The following PCDHGC4 variants were observed in gnomAD, a reference collection of about 807,000 sequenced individuals.
PCDHGC4 encodes the protein protocadherin gamma subfamily C, 4.
A neutral mutation model predicts 59.7 loss-of-function variants in PCDHGC4; 15 were observed. The observed-to-expected ratio is 0.25, with a 90% CI of 0.17 to 0.39. The LOEUF (loss-of-function observed/expected upper bound fraction) is 0.39, where lower values mean the gene tolerates loss of function less well. PCDHGC4 is among the 10% of genes least tolerant of loss of function. The probability of loss-of-function intolerance (pLI) is 1.00; values close to 1 mark genes in which losing one functional copy is unlikely to be tolerated. For missense variants in PCDHGC4, 1,016 were observed against 1,189.5 expected, an observed-to-expected ratio of 0.85 and a Z score of 2.15; for synonymous variants, 434 against 481.4, an observed-to-expected ratio of 0.90 and a Z score of 1.29.
intron 2 of PCDHGC4, among the ~76,000 whole-genome samples, chr5:141,498,436 A>G (rs566463876): frequency 6.6e-6 from 1 of 152,268 alleles, no homozygotes; most frequent in East Asian, 1.9e-4. Flanking sequence ...GGGGATGAAG[A>G]GGAGAGGTTC....
Position 141,511,042 on chromosome 5 carries a change from G to C in PCDHGC4, c.2686G>C (p.Asp896His), listed in dbSNP as rs774071540. Residue 896 changes from aspartate (D) to histidine (H), a missense_variant, in exon 4 of 4, where the codon GAC becomes CAC. Transcript: ENST00000306593. Reference sequence around the variant, plus strand: ...CCAGTTCACCCTGCAGCACGTGCCCGACTACCGCCAGAATGTCTACATCCC... The same window carrying C: ...CCAGTTCACCCTGCAGCACGTGCCCCACTACCGCCAGAATGTCTACATCCC... ...GPQFTLQHVP[D>H]YRQNVYIPGS... 6.2e-7 allele frequency: 1 copy of C among 1,614,182 alleles called. No homozygotes were observed. Among genetic ancestry groups the C allele is most frequent in the South Asian group, 1.1e-5 (1 of 91,084 alleles).
rs1252361961 is a variant in PCDHGC4 at position 141,486,106 on chromosome 5, G to A, written c.933G>A (p.Glu311=). The A allele has an allele frequency of 2.5e-6, 4 of 1,614,190 alleles. No individual in the cohort carries two copies. The highest frequency in any genetic ancestry group is 1.1e-5 in the South Asian group (1 of 91,086). The part of the protein sequence containing the change: ...KLTLLGPLDF[E]SENYYEFDVR... Reference sequence around the variant, plus strand: ...CTCTTTTGGGGCCCCTAGACTTTGAGAGTGAGAATTACTATGAATTTGATG... The same window carrying A: ...CTCTTTTGGGGCCCCTAGACTTTGAAAGTGAGAATTACTATGAATTTGATG... The change falls in exon 1 of 4, where the codon GAG becomes GAA. Residue 311 remains glutamate (E), a synonymous_variant. Transcript: ENST00000306593. The surrounding 1 kb of genome is among the most constrained non-coding windows in gnomAD (Gnocchi z 5.0).
rs1001719735 is a variant in PCDHGC4 at position 141,512,055 on chromosome 5, TGAC to T, written c.*883_*885del. 10 of 152,698 alleles carry T rather than the reference TGAC, an allele frequency of 6.5e-5. No homozygotes were observed. The highest frequency in any genetic ancestry group is 1.4e-4 in the African/African-American group (6 of 41,450). 9.5% of individuals were successfully genotyped at this position (152,698 alleles called of 1,614,324 possible). On this transcript the variant is annotated 3_prime_UTR_variant, in exon 4 of 4. Coordinates refer to ENST00000306593, the MANE Select transcript of PCDHGC4 (RefSeq NM_018928.3). ...GAGGCTCTGTATGTCCTCAGGGGACTGACAACATCCTCCAGATTCCAGCCATAA... is the reference window on the plus strand; with the variant it reads ...GAGGCTCTGTATGTCCTCAGGGGACTAACATCCTCCAGATTCCAGCCATAA...
chr5:141,495,276 G>A (rs1350329744), intron 2 of PCDHGC4, among the ~76,000 whole-genome samples: 1 of 152,190 alleles, frequency 6.6e-6, no homozygotes, highest in East Asian at 1.9e-4. Flanking sequence ...GACCGGAGGA[G>A]GCGGTCCGCA....
chr5:141,489,894 G>A lies in PCDHGC4; in HGVS notation c.2442+2279G>A, dbSNP rs942456058. 33 of 1,614,204 alleles carry A rather than the reference G, an allele frequency of 2.0e-5. No individual in the cohort carries two copies. The highest frequency in any genetic ancestry group is 2.4e-5 in the Non-Finnish European group (28 of 1,180,028). Reference sequence around the variant, plus strand: ...TGGTGCTTACTGCTGTGGATGGGGGGACCCCAGCCCGCTCAGGGACCACCC... The same window carrying A: ...TGGTGCTTACTGCTGTGGATGGGGGAACCCCAGCCCGCTCAGGGACCACCC... On this transcript the variant is annotated intron_variant, in intron 1 of 3. Coordinates refer to ENST00000306593, the MANE Select transcript of PCDHGC4 (RefSeq NM_018928.3). This position sits in a 1 kb window ranked among gnomAD's most constrained non-coding sequence, Gnocchi z 4.5.
Position 141,493,760 on chromosome 5 carries a change from G to C in PCDHGC4, c.2443-1047G>C, listed in dbSNP as rs1268832909. On this transcript the variant is annotated intron_variant, in intron 1 of 3. Coordinates refer to ENST00000306593, the MANE Select transcript of PCDHGC4 (RefSeq NM_018928.3). The surrounding 1 kb of genome is among the most constrained non-coding windows in gnomAD (Gnocchi z 4.3). ...ACTGCCACCTGTGAGCCTTGAGTGA[G>C]CCACTGGCAGTTCCGGAGCTTCCTT... Among the ~76,000 whole-genome samples, 1 of 152,166 alleles carries C rather than the reference G, an allele frequency of 6.6e-6. No individual in the cohort carries two copies. The highest frequency in any genetic ancestry group is 1.5e-5 in the Non-Finnish European group (1 of 68,022).
rs763303627 is a variant in PCDHGC4 at position 141,489,719 on chromosome 5, C to T, written c.2442+2104C>T. The T allele has an allele frequency of 1.4e-5, 22 of 1,613,946 alleles. No homozygotes were observed. The highest frequency in any genetic ancestry group is 9.3e-5 in the African/African-American group (7 of 74,924). On this transcript the variant is annotated intron_variant, in intron 1 of 3. Coordinates refer to ENST00000306593, the MANE Select transcript of PCDHGC4 (RefSeq NM_018928.3). The surrounding 1 kb of genome is among the most constrained non-coding windows in gnomAD (Gnocchi z 4.5). ...TTCCCACTGGACAGTGCCCAGGATCCGGATGTGGGCACCAATACTGTGAGC... is the reference window on the plus strand; with the variant it reads ...TTCCCACTGGACAGTGCCCAGGATCTGGATGTGGGCACCAATACTGTGAGC...
In PCDHGC4 at chr5:141,487,574, C is replaced by T. The variant is rs753979217; in HGVS notation, c.2401C>T (p.Arg801Cys). ...TGCACCTATGGCAGGGGAGCCTGTTCGCCCAAGCTGCCCACCCTCTGATCT... is the reference window on the plus strand; with the variant it reads ...TGCACCTATGGCAGGGGAGCCTGTTTGCCCAAGCTGCCCACCCTCTGATCT... ...PSAPMAGEPVRPSCPPSDLLY... is the reference protein window; with the variant it reads ...PSAPMAGEPVCPSCPPSDLLY... The change falls in exon 1 of 4, where the codon CGC becomes TGC. Residue 801 changes from arginine to cysteine, a missense_variant. By Grantham distance (180) the Arg-to-Cys change is radical. Transcript: ENST00000306593. This position sits in a 1 kb window ranked among gnomAD's most constrained non-coding sequence, Gnocchi z 5.0. 1.2e-5 allele frequency: 20 copies of T among 1,614,040 alleles called. 1 individual carries two copies. The highest frequency in any genetic ancestry group is 8.9e-5 in the East Asian group (4 of 44,870).
intron 2 of PCDHGC4, among the ~76,000 whole-genome samples, chr5:141,498,956 A>G (rs547381859): frequency 2.4e-5 from 3 of 124,058 alleles, no homozygotes; most frequent in African/African-American, 6.3e-5. Context: ...AAAAAGAGAG[A>G]GAGGGAGGGA....
At position 141,486,001 on chromosome 5, in the gene PCDHGC4, C is replaced by G. The variant is rs771993915; in HGVS notation, c.828C>G (p.Asn276Lys). 6.2e-7 allele frequency: 1 copy of G among 1,614,194 alleles called. No homozygotes were observed. Among genetic ancestry groups the G allele is most frequent in the Non-Finnish European group, 8.5e-7 (1 of 1,180,024 alleles). The change falls in exon 1 of 4, where the codon AAC becomes AAG. Residue 276 changes from asparagine to lysine, a missense_variant. Physicochemically the swap from Asn to Lys is moderately conservative, Grantham distance 94. Transcript: ENST00000306593. The surrounding 1 kb of genome is among the most constrained non-coding windows in gnomAD (Gnocchi z 5.0). Reference protein sequence around the residue: ...ASDPDLGPSGNVTFYFSGHTP... With the variant: ...ASDPDLGPSGKVTFYFSGHTP... ...ACCCGGACCTGGGTCCCAGTGGTAACGTCACCTTTTATTTCAGTGGTCATA... is the reference window on the plus strand; with the variant it reads ...ACCCGGACCTGGGTCCCAGTGGTAAGGTCACCTTTTATTTCAGTGGTCATA...
chr5:141,509,255 T>A (rs1434555633), intron 3 of PCDHGC4, among the ~76,000 whole-genome samples: 1 of 152,158 alleles, frequency 6.6e-6, no homozygotes, highest in African/African-American at 2.4e-5. Flanking sequence ...CCTCTCCGGC[T>A]TTAGTCACTC....
At chr5:141,510,814 C>T in intron 3 of PCDHGC4, 133 bp from the exon 4 acceptor site, 2 of 1,544,688 alleles carry the variant, frequency 1.3e-6, no homozygotes, top group East Asian at 4.6e-5. Context: ...TTGGTGACCC[C>T]TATATTCCCA....
In PCDHGC4 at chr5:141,491,492, T is replaced by G. The variant is rs763487622; in HGVS notation, c.2443-3315T>G. On this transcript the variant is annotated intron_variant, in intron 1 of 3. Coordinates refer to ENST00000306593, the MANE Select transcript of PCDHGC4 (RefSeq NM_018928.3). This position sits in a 1 kb window ranked among gnomAD's most constrained non-coding sequence, Gnocchi z 6.9. ...AAGCAGTCCAGCCCCAACCTGCAGG[T>G]GAGCTCGGACGGCACGCTCAAGTAC... 3.1e-6 allele frequency: 5 copies of G among 1,614,024 alleles called. No homozygotes were observed. The highest frequency in any genetic ancestry group is 3.4e-6 in the Non-Finnish European group (4 of 1,180,006).
Position 141,489,216 on chromosome 5 carries a change from C to G in PCDHGC4, c.2442+1601C>G. The G allele has an allele frequency of 6.7e-7, 1 of 1,486,698 alleles. No individual in the cohort carries two copies. Among genetic ancestry groups the G allele is most frequent in the Non-Finnish European group, 9.1e-7 (1 of 1,103,260 alleles). 92.1% of individuals were successfully genotyped at this position (1,486,698 alleles called of 1,614,324 possible). ...TTGGAGACAGGACAGCACAGACTTA[C>G]TCTCCACAAAGGGACTTCTGGGTCA... On this transcript the variant is annotated intron_variant, in intron 1 of 3. Transcript: ENST00000306593. This position sits in a 1 kb window ranked among gnomAD's most constrained non-coding sequence, Gnocchi z 4.5.
At chr5:141,492,163 C>T (rs921256341) in intron 1 of PCDHGC4, among the ~76,000 whole-genome samples, 22 of 152,232 alleles carry the variant, frequency 1.4e-4, no homozygotes, top group African/African-American at 5.3e-4. Context: ...CCTCCCTATC[C>T]CCGCATCACC....
At position 141,487,289 on chromosome 5, in the gene PCDHGC4, G is replaced by T; in HGVS notation, c.2116G>T (p.Gly706Cys). 6.2e-7 allele frequency: 1 copy of T among 1,614,096 alleles called. No individual in the cohort carries two copies. The highest frequency in any genetic ancestry group is 8.5e-7 in the Non-Finnish European group (1 of 1,180,024). The change falls in exon 1 of 4, where the codon GGC (glycine) becomes TGC (cysteine). Residue 706 changes from glycine (G) to cysteine (C), a missense_variant. Physicochemically the swap from Gly to Cys is radical, Grantham distance 159. Coordinates refer to ENST00000306593, the MANE Select transcript of PCDHGC4 (RefSeq NM_018928.3). The surrounding 1 kb of genome is among the most constrained non-coding windows in gnomAD (Gnocchi z 5.0). Reference sequence around the variant, plus strand: ...AGTGGCAATTTGCTTTGTCTCCTTTGGCTCATTCGTGGCACTACTCTCTAA... The same window carrying T: ...AGTGGCAATTTGCTTTGTCTCCTTTTGCTCATTCGTGGCACTACTCTCTAA... ...SLVAICFVSF[G>C]SFVALLSKCL...
chr5:141,498,565 G>C (rs2099784348), intron 2 of PCDHGC4, among the ~76,000 whole-genome samples: 1 of 152,044 alleles, frequency 6.6e-6, no homozygotes. Context: ...CTTCAAAGCA[G>C]GGCTAGTATT....
chr5:141,504,705 T>C (rs960774850), intron 2 of PCDHGC4, among the ~76,000 whole-genome samples: 19 of 151,608 alleles, frequency 1.3e-4, no homozygotes, highest in Middle Eastern at 3.4e-3. Flanking sequence ...GGTTCTTCTA[T>C]GGCCGTGGAT....
Position 141,491,248 on chromosome 5 carries a change from G to T in PCDHGC4, c.2443-3559G>T, listed in dbSNP as rs757712577. On this transcript the variant is annotated intron_variant, in intron 1 of 3. Transcript: ENST00000306593. The surrounding 1 kb of genome is among the most constrained non-coding windows in gnomAD (Gnocchi z 6.9). ...AGTGCTGCTGGTTCTGGAGGATGAG[G>T]ACCCTGAGGAAATGCCCAAATCCAG... 3 of 1,614,170 alleles carry T rather than the reference G, an allele frequency of 1.9e-6. No individual in the cohort carries two copies. Among genetic ancestry groups the T allele is most frequent in the Non-Finnish European group, 2.5e-6 (3 of 1,180,018 alleles).
Sources: gnomAD v4.1 joint callset for allele counts (sites outside exome capture counted in the v4.1 genomes callset) on GRCh38, gnomAD v4.1.1 for gene constraint, Gnocchi (gnomAD v3.1) non-coding constraint, MANE v1.5 for transcripts, NCBI Gene and HGNC (gene_info 2026-07-23, HGNC 2026-07-21) for gene names.